Variants in ARHGAP42 observed in about 807,000 individuals in gnomAD.
ARHGAP42 encodes rho GTPase-activating protein 42.
In ARHGAP42, 63 loss-of-function variants were observed where a neutral mutation model predicts 125.0. That is an observed-to-expected ratio of 0.50 (90% confidence interval 0.41 to 0.62). ARHGAP42 has a LOEUF of 0.62. ARHGAP42 is among the 20% of genes least tolerant of loss of function. The pLI, the probability that ARHGAP42 is intolerant of heterozygous loss-of-function variation, is 0.00. For missense variants in ARHGAP42, 766 were observed against 1,024.2 expected (o/e 0.75, Z 3.44); for synonymous variants, 339 against 351.0 (o/e 0.97, Z 0.38).
At chr11:100,780,651 C>T (rs998446901) in intron 2 of ARHGAP42, among the ~76,000 whole-genome samples, 18 of 152,194 alleles carry the variant, frequency 1.2e-4, no homozygotes, top group Non-Finnish European at 2.6e-4. Context: ...AGTCAGAAAC[C>T]GGCTTTGTAG....
chr11:100,863,669 T>C (rs1019708066), intron 4 of ARHGAP42, among the ~76,000 whole-genome samples: 5 of 152,240 alleles, frequency 3.3e-5, no homozygotes, highest in Admixed American at 2.0e-4. Flanking sequence ...CTGTTTCAGA[T>C]ACTTGGAGAT....
chr11:100,830,553 C>G (rs1864641421), intron 3 of ARHGAP42, among the ~76,000 whole-genome samples: 1 of 152,166 alleles, frequency 6.6e-6, no homozygotes, highest in East Asian at 1.9e-4. Context: ...GAACAAGAAG[C>G]TGCAGTGTCA....
intron 22 of ARHGAP42, among the ~76,000 whole-genome samples, chr11:100,984,273 A>T (rs754406566): frequency 6.6e-6 from 1 of 152,026 alleles, no homozygotes; most frequent in Non-Finnish European, 1.5e-5. Context: ...GTTTCATTAC[A>T]TGAGTTCTTC....
intron 3 of ARHGAP42, among the ~76,000 whole-genome samples, chr11:100,801,289 G>A (rs1863845966): frequency 1.3e-5 from 2 of 152,196 alleles, no homozygotes; most frequent in Non-Finnish European, 2.9e-5. Context: ...ATTGTAAAGG[G>A]ACTATATAAT....
chr11:100,981,574 C>T (rs767819619), intron 22 of ARHGAP42, among the ~76,000 whole-genome samples: 32 of 152,160 alleles, frequency 2.1e-4, no homozygotes, highest in Non-Finnish European at 4.0e-4. Context: ...CCTTGAGCCA[C>T]GGAAAAGTAA....
At chr11:100,926,105 A>G (rs531223471) in intron 6 of ARHGAP42, among the ~76,000 whole-genome samples, 1 of 152,318 alleles carries the variant, frequency 6.6e-6, no homozygotes, top group African/African-American at 2.4e-5. Context: ...GAATCTTGTT[A>G]TGACTCATCT....
chr11:100,772,568 C>T (rs1863008423), intron 2 of ARHGAP42, among the ~76,000 whole-genome samples: 1 of 152,072 alleles, frequency 6.6e-6, no homozygotes, highest in South Asian at 2.1e-4. Flanking sequence ...AAGGGAGAGC[C>T]CTCCCACATG....
Position 100,992,136 on chromosome 11 carries a change from C to T in ARHGAP42, c.*3335C>T, listed in dbSNP as rs1033692023. ...TTAGAAGAGTCCCTCAGAGCTTTGC[C>T]TCAAGCAATTTCAAATTGTAGTGAT... On this transcript the variant is annotated 3_prime_UTR_variant, in exon 24 of 24. Transcript: ENST00000298815. 8 of 687,468 alleles carry T rather than the reference C, an allele frequency of 1.2e-5. No individual in the cohort carries two copies. The highest frequency in any genetic ancestry group is 1.1e-4 in the African/African-American group (6 of 55,516). The allele number at this position is 687,468 out of a possible 1,614,324, so 42.6% of individuals were successfully genotyped here.
intron 12 of ARHGAP42, among the ~76,000 whole-genome samples, chr11:100,950,299 A>G (rs1049656532): frequency 2.7e-5 from 4 of 145,766 alleles, no homozygotes; most frequent in African/African-American, 4.9e-5. Flanking sequence ...TATATTATAT[A>G]TTAATAAATA....
At chr11:100,944,795 T>C (rs1055890689) in intron 10 of ARHGAP42, among the ~76,000 whole-genome samples, 1 of 148,266 alleles carries the variant, frequency 6.7e-6, no homozygotes, top group African/African-American at 2.5e-5. Context: ...CTTTAGTGAG[T>C]AGTAATTTTT....
intron 1 of ARHGAP42, among the ~76,000 whole-genome samples, chr11:100,746,262 A>C (rs1425756851): frequency 6.6e-6 from 1 of 152,244 alleles, no homozygotes; most frequent in African/African-American, 2.4e-5. Flanking sequence ...GGAGACATGA[A>C]GTGAGCTTAG....
At chr11:100,817,077 C>A (rs1339578062) in intron 3 of ARHGAP42, among the ~76,000 whole-genome samples, 1 of 152,156 alleles carries the variant, frequency 6.6e-6, no homozygotes, top group African/African-American at 2.4e-5. Flanking sequence ...ACTGACACTC[C>A]GGAATACAAT....
At chr11:100,846,945 A>G (rs1048314771) in intron 3 of ARHGAP42, among the ~76,000 whole-genome samples, 5 of 152,160 alleles carry the variant, frequency 3.3e-5, no homozygotes, top group African/African-American at 1.2e-4. Flanking sequence ...GTTAACTTCA[A>G]TAGGATGGCA....
At chr11:100,891,909 T>C (rs1270777487) in intron 4 of ARHGAP42, among the ~76,000 whole-genome samples, 1 of 152,128 alleles carries the variant, frequency 6.6e-6, no homozygotes, top group Non-Finnish European at 1.5e-5. Context: ...TTGAGGCAGG[T>C]ATTGCTAGAT....
chr11:100,718,059 G>A (rs762845386), intron 1 of ARHGAP42, among the ~76,000 whole-genome samples: 12 of 152,234 alleles, frequency 7.9e-5, no homozygotes, highest in East Asian at 1.9e-4. Context: ...TTATTACTGC[G>A]AGTCATGGTC....
intron 4 of ARHGAP42, among the ~76,000 whole-genome samples, chr11:100,884,050 A>C (rs377757697): frequency 3.3e-4 from 50 of 152,356 alleles, no homozygotes; most frequent in African/African-American, 1.1e-3. Flanking sequence ...AATTAGAATA[A>C]GACCGCACAC....
intron 7 of ARHGAP42, among the ~76,000 whole-genome samples, chr11:100,934,295 A>G (rs1185935692): frequency 6.6e-6 from 1 of 152,158 alleles, no homozygotes; most frequent in Admixed American, 6.6e-5. Context: ...GTTCATGGGC[A>G]TGATGTTTGG....
chr11:100,755,871 T>G (rs1862565148), intron 1 of ARHGAP42, among the ~76,000 whole-genome samples: 1 of 152,188 alleles, frequency 6.6e-6, no homozygotes, highest in Non-Finnish European at 1.5e-5. Context: ...GAAAAGGAAG[T>G]TGAGGCAGTG....
chr11:100,974,527 G>A lies in ARHGAP42; in HGVS notation c.1779G>A (p.Arg593=). Residue 593 remains arginine, a synonymous_variant, in exon 19 of 24, where the codon AGG becomes AGA. Transcript: ENST00000298815. Reference sequence around the variant, plus strand: ...CTCAGTCTCGATCTGGATCCCGAAGGACACGAGCAATCTGCCTCTCTACAG... The same window carrying A: ...CTCAGTCTCGATCTGGATCCCGAAGAACACGAGCAATCTGCCTCTCTACAG... ...PQPQSRSGSR[R]TRAICLSTGS... 1 of 1,551,030 alleles carries A rather than the reference G, an allele frequency of 6.4e-7. No homozygotes were observed. Among genetic ancestry groups the A allele is most frequent in the South Asian group, 1.2e-5 (1 of 84,028 alleles).
Sources: allele counts gnomAD v4.1 joint callset (sites outside exome capture counted in the v4.1 genomes callset), GRCh38; gene constraint gnomAD v4.1.1; transcripts MANE v1.5; gene names NCBI Gene and HGNC (gene_info 2026-07-23, HGNC 2026-07-21).